The following ZHX3 variants were observed in gnomAD, a reference collection of about 807,000 sequenced individuals.
ZHX3 encodes zinc fingers and homeoboxes 3.
ZHX3 carries 20 observed loss-of-function variants against 64.5 expected under a neutral mutation model. The ratio of observed to expected loss-of-function variants is 0.31; its 90% CI spans 0.22 to 0.45. The LOEUF (loss-of-function observed/expected upper bound fraction) is 0.45, where lower values mean the gene tolerates loss of function less well. Ranked by LOEUF, ZHX3 falls within the 20% of genes least tolerant of loss-of-function variation. The probability of loss-of-function intolerance (pLI) is 1.00; values close to 1 mark genes in which losing one functional copy is unlikely to be tolerated. For synonymous variants in ZHX3, 423 were observed against 461.6 expected (o/e 0.92, Z 1.07); for missense variants, 1,041 against 1,195.8 (o/e 0.87, Z 1.91).
At chr20:41,259,707 AT>A (rs1183049712) in intron 2 of ZHX3, among the ~76,000 whole-genome samples, 1 of 152,160 alleles carries the variant, frequency 6.6e-6, no homozygotes, top group Non-Finnish European at 1.5e-5. Context: ...CATGAAACCT[AT>A]ATATATGTAA....
chr20:41,204,366 G>A lies in ZHX3; in HGVS notation c.551C>T (p.Thr184Ile). 6.2e-7 allele frequency: 1 copy of A among 1,614,186 alleles called. No individual in the cohort carries two copies. Among genetic ancestry groups the A allele is most frequent in the Non-Finnish European group, 8.5e-7 (1 of 1,180,042 alleles). ...DGQAEIIITK[T>I]PIMKIMKGKA... ...GCCTTTCATTATCTTCATGATTGGA[G>A]TTTTGGTAATGATGATTTCTGCCTG... Residue 184 changes from threonine (T) to isoleucine (I), a missense_variant, in exon 3 of 4, where the codon ACT becomes ATT. Thr to Ile is a moderately conservative substitution (Grantham distance 89). Around this residue, in one of 4 missense-constraint regions of ZHX3, gnomAD observed 358 missense variants for 369.1 expected, o/e 0.97. Coordinates refer to ENST00000683867, the MANE Select transcript of ZHX3 (RefSeq NM_001384317.1). The surrounding 1 kb of genome is among the most constrained non-coding windows in gnomAD (Gnocchi z 6.6).
intron 2 of ZHX3, among the ~76,000 whole-genome samples, chr20:41,205,459 G>A (rs1245111890): frequency 1.3e-5 from 2 of 151,944 alleles, no homozygotes; most frequent in African/African-American, 2.4e-5. Flanking sequence ...GGACCAACAC[G>A]CGGTTTTCTT....
At chr20:41,236,217 A>G (rs1003345484) in intron 2 of ZHX3, among the ~76,000 whole-genome samples, 6 of 152,328 alleles carry the variant, frequency 3.9e-5, no homozygotes, top group Admixed American at 3.3e-4. Context: ...TACAGATTCA[A>G]TGCCAACCCC....
In ZHX3 at chr20:41,180,034, G is replaced by T. The variant is rs879761324; in HGVS notation, c.*5157C>A. 2.0e-5 allele frequency: 3 copies of T among 152,698 alleles called. No individual in the cohort carries two copies. The highest frequency in any genetic ancestry group is 2.0e-4 in the Admixed American group (3 of 15,292). The allele number at this position is 152,698 out of a possible 1,614,324, so 9.5% of individuals were successfully genotyped here. On this transcript the variant is annotated 3_prime_UTR_variant, in exon 4 of 4. Transcript: ENST00000683867. ...AACACATACAGGTGCTCATGTGTGT[G>T]TGTGCACGCGCACATGAACACACGT...
At chr20:41,306,054 A>C (rs1320633291) in intron 1 of ZHX3, among the ~76,000 whole-genome samples, 1 of 152,170 alleles carries the variant, frequency 6.6e-6, no homozygotes. Flanking sequence ...AATAAAGCCA[A>C]TATGTATTAA....
Position 41,203,496 on chromosome 20 carries a change from T to A in ZHX3, c.1421A>T (p.Asn474Ile). 1.2e-6 allele frequency: 2 copies of A among 1,614,220 alleles called. No homozygotes were observed. Among genetic ancestry groups the A allele is most frequent in the East Asian group, 2.2e-5 (1 of 44,892 alleles). The change falls in exon 3 of 4, where the codon AAT becomes ATT. Residue 474 changes from asparagine (N) to isoleucine (I), a missense_variant. Transcript: ENST00000683867. This position sits in a 1 kb window ranked among gnomAD's most constrained non-coding sequence, Gnocchi z 7.1. ...SNTTSAVKVVNAAQSLLTACP... is the reference protein window; with the variant it reads ...SNTTSAVKVVIAAQSLLTACP... ...GGCCGTGAGGAGCGACTGGGCCGCA[T>A]TGACCACCTTCACAGCTGACGTTGT...
At chr20:41,296,232 TAAAAA>T (rs57987896) in intron 1 of ZHX3, among the ~76,000 whole-genome samples, 145 of 72,876 alleles carry the variant, frequency 2.0e-3, no homozygotes, top group African/African-American at 2.9e-3. Flanking sequence ...GTTCATAAAG[TAAAAA>T]AAAAAAAAAA....
intron 2 of ZHX3, among the ~76,000 whole-genome samples, chr20:41,220,670 TG>T (rs201523705): frequency 2.0e-5 from 3 of 151,976 alleles, no homozygotes; most frequent in Non-Finnish European, 4.4e-5. Flanking sequence ...CAGTTTTTTT[TG>T]GTTTTTTTTG....
At chr20:41,260,451 T>C (rs149260686) in intron 2 of ZHX3, among the ~76,000 whole-genome samples, 1 of 152,174 alleles carries the variant, frequency 6.6e-6, no homozygotes, top group Non-Finnish European at 1.5e-5. Flanking sequence ...TGAGGTCACA[T>C]AGTGGACACT....
chr20:41,244,476 G>C (rs890775602), intron 2 of ZHX3, among the ~76,000 whole-genome samples: 1 of 152,162 alleles, frequency 6.6e-6, no homozygotes, highest in Non-Finnish European at 1.5e-5. Flanking sequence ...TTCAAGTCTA[G>C]CCTAGGCAAT....
At position 41,185,087 on chromosome 20, in the gene ZHX3, C is replaced by G. The variant is rs1415586093; in HGVS notation, c.*104G>C. ...GGAAGCTCTCCCAGGTGCCCAGCAG[C>G]CGGGCATGGGAACGGCATGTGGCAG... On this transcript the variant is annotated 3_prime_UTR_variant, in exon 4 of 4. Coordinates refer to ENST00000683867, the MANE Select transcript of ZHX3 (RefSeq NM_001384317.1). The surrounding 1 kb of genome is among the most constrained non-coding windows in gnomAD (Gnocchi z 5.0). 3 of 1,561,256 alleles carry G rather than the reference C, an allele frequency of 1.9e-6. No individual in the cohort carries two copies. The highest frequency in any genetic ancestry group is 2.6e-6 in the Non-Finnish European group (3 of 1,151,162).
chr20:41,274,021 G>A (rs2043271768), intron 1 of ZHX3, among the ~76,000 whole-genome samples: 1 of 152,212 alleles, frequency 6.6e-6, no homozygotes. Flanking sequence ...TCCTTGATAA[G>A]GTGATACACT....
rs756414639 is a variant in ZHX3 at position 41,212,526 on chromosome 20, A to G, written c.-150-7460T>C. On this transcript the variant is annotated intron_variant, in intron 2 of 3. Transcript: ENST00000683867. This position sits in a 1 kb window ranked among gnomAD's most constrained non-coding sequence, Gnocchi z 4.3. Reference sequence around the variant, plus strand: ...AAGATCCAGCAATTTGGCCGGGCGCAGTGGCTCACACCTGTAATCCTAGCA... The same window carrying G: ...AAGATCCAGCAATTTGGCCGGGCGCGGTGGCTCACACCTGTAATCCTAGCA... Among the ~76,000 whole-genome samples the G allele has an allele frequency of 6.6e-6, 1 of 152,170 alleles. No individual in the cohort carries two copies. Among genetic ancestry groups the G allele is most frequent in the Non-Finnish European group, 1.5e-5 (1 of 68,040 alleles).
intron 1 of ZHX3, among the ~76,000 whole-genome samples, chr20:41,298,113 G>T (rs1441883302): frequency 6.6e-6 from 1 of 151,930 alleles, no homozygotes; most frequent in Non-Finnish European, 1.5e-5. Flanking sequence ...GACCAGAGAA[G>T]TAAATACAAA....
At position 41,200,913 on chromosome 20, in the gene ZHX3, A is replaced by G. The variant is rs1450174900; in HGVS notation, c.2860+1144T>C. Among the ~76,000 whole-genome samples the G allele has an allele frequency of 6.6e-6, 1 of 152,266 alleles. No homozygotes were observed. Among genetic ancestry groups the G allele is most frequent in the Non-Finnish European group, 1.5e-5 (1 of 68,050 alleles). On this transcript the variant is annotated intron_variant, in intron 3 of 3. Transcript: ENST00000683867. This position sits in a 1 kb window ranked among gnomAD's most constrained non-coding sequence, Gnocchi z 4.2. ...GAATTTAAAATATTCAGAGAAAGAA[A>G]AAGAATTTTGTCCTTTTTAAGACAT...
At chr20:41,297,039 A>G (rs2044567764) in intron 1 of ZHX3, among the ~76,000 whole-genome samples, 1 of 152,186 alleles carries the variant, frequency 6.6e-6, no homozygotes, top group African/African-American at 2.4e-5. Flanking sequence ...TACCTCTTGA[A>G]GTAAACTCTC....
Position 41,184,642 on chromosome 20 carries a change from G to A in ZHX3, c.*549C>T. 2.2e-6 allele frequency: 1 copy of A among 460,618 alleles called. No homozygotes were observed. Among genetic ancestry groups the A allele is most frequent in the East Asian group, 4.3e-5 (1 of 23,302 alleles). 28.5% of individuals were successfully genotyped at this position (460,618 alleles called of 1,614,324 possible). ...TCTTCAAAGGTACTGCTTCCTTGAG[G>A]AACACAAAGGGGGCACAAAGGGGTT... is the stretch of plus-strand genomic sequence containing the variant. On this transcript the variant is annotated 3_prime_UTR_variant, in exon 4 of 4. Coordinates refer to ENST00000683867, the MANE Select transcript of ZHX3 (RefSeq NM_001384317.1).
rs2040404110 is a variant in ZHX3, at chr20:41,228,431, C to T, written c.-150-23365G>A. ...TCCGTTCGGGGTGCTATAACAAAAA[C>T]ATCATAGACTGGATGGCTTATAAAC... On this transcript the variant is annotated intron_variant, in intron 2 of 3. Transcript: ENST00000683867. The surrounding 1 kb of genome is among the most constrained non-coding windows in gnomAD (Gnocchi z 4.6). 6.6e-6 allele frequency among the ~76,000 whole-genome samples: 1 copy of T among 152,184 alleles called. No individual in the cohort carries two copies. The highest frequency in any genetic ancestry group is 2.4e-5 in the African/African-American group (1 of 41,444).
At chr20:41,235,611 G>A (rs2040925452) in intron 2 of ZHX3, among the ~76,000 whole-genome samples, 1 of 152,146 alleles carries the variant, frequency 6.6e-6, no homozygotes, top group African/African-American at 2.4e-5. Flanking sequence ...AGGTATTGAT[G>A]GGACGTATCT....
Sources: allele counts gnomAD v4.1 joint callset (sites outside exome capture counted in the v4.1 genomes callset), GRCh38; gene constraint gnomAD v4.1.1; regional missense constraint gnomAD v4.1.1; non-coding constraint Gnocchi (gnomAD v3.1); transcripts MANE v1.5; gene names NCBI Gene and HGNC (gene_info 2026-07-23, HGNC 2026-07-21).